The following PC variants were observed in gnomAD, a reference collection of about 807,000 sequenced individuals.
PC encodes pyruvate carboxylase, mitochondrial.
In PC, 46 loss-of-function variants were observed where a neutral mutation model predicts 107.8. That is an observed-to-expected ratio of 0.43 (90% confidence interval 0.34 to 0.55). PC has a LOEUF of 0.55. Among genes scored for constraint, PC ranks in the 20% least tolerant of loss-of-function variants. PC has a pLI of 0.04. For synonymous variants in PC, 662 were observed against 684.7 expected, an observed-to-expected ratio of 0.97 and a Z score of 0.52; for missense variants, 1,241 against 1,643.1, an observed-to-expected ratio of 0.76 and a Z score of 4.23.
At chr11:66,939,905 C>T (rs1804349807) in intron 3 of PC, among the ~76,000 whole-genome samples, 2 of 149,106 alleles carry the variant, frequency 1.3e-5, no homozygotes, top group Admixed American at 1.3e-4. Flanking sequence ...CCTTACCTGA[C>T]ACCATATCCA....
intron 3 of PC, among the ~76,000 whole-genome samples, chr11:66,898,540 C>T (rs1181400978): frequency 2.0e-5 from 3 of 152,064 alleles, no homozygotes; most frequent in Non-Finnish European, 4.4e-5. Flanking sequence ...ATTCGCTGGG[C>T]GTGGTGGCAG....
At chr11:66,926,356 T>C (rs184528172) in intron 3 of PC, among the ~76,000 whole-genome samples, 20 of 152,308 alleles carry the variant, frequency 1.3e-4, no homozygotes, top group African/African-American at 4.8e-4. Flanking sequence ...TCAATAAATA[T>C]TTATAGAGTA....
intron 19 of PC, 40 bp from the exon 20 acceptor site, chr11:66,850,156 CAAG>C (rs1276612567): frequency 2.5e-6 from 4 of 1,613,882 alleles, no homozygotes; most frequent in Non-Finnish European, 3.4e-6. Flanking sequence ...CCAGGCACCT[CAAG>C]GAGGCCAGTG....
In PC at chr11:66,863,831, G is replaced by C. The variant is rs766485640; in HGVS notation, c.1311C>G (p.Pro437=). ...VKVIAHGKDH[P]TAATKMSRAL... is the part of the protein sequence containing the mutation. Reference sequence around the variant, plus strand: ...CCCTGCTCATCTTGGTGGCGGCCGTGGGGTGGTCTTTGCCGTGGGCAATGA... The same window carrying C: ...CCCTGCTCATCTTGGTGGCGGCCGTCGGGTGGTCTTTGCCGTGGGCAATGA... Residue 437 remains proline, a synonymous_variant, in exon 12 of 23, where the codon CCC becomes CCG. Transcript: ENST00000393960. 29 of 1,613,738 alleles carry C rather than the reference G, an allele frequency of 1.8e-5. No individual in the cohort carries two copies. Among genetic ancestry groups the C allele is most frequent in the Non-Finnish European group, 2.5e-5 (29 of 1,180,014 alleles).
At chr11:66,882,690 G>C (rs1947225594) in intron 3 of PC, among the ~76,000 whole-genome samples, 1 of 152,248 alleles carries the variant, frequency 6.6e-6, no homozygotes, top group African/African-American at 2.4e-5. Context: ...AGTGAAAGCA[G>C]GTCAGAACCA....
Position 66,872,163 on chromosome 11 carries a change from G to T in PC, c.1-4C>A, listed in dbSNP as rs1313846853. The T allele has an allele frequency of 1.3e-5, 20 of 1,579,084 alleles. No homozygotes were observed. The highest frequency in any genetic ancestry group is 2.4e-5 in the East Asian group (1 of 42,484). On this transcript the variant is annotated splice_polypyrimidine_tract_variant and splice_region_variant and intron_variant, in intron 3 of 22. Transcript: ENST00000393960. ...GGACTGTTCGGAACTTCAGCATCTAGGGAGGGAAGTTAGAGCCCAGGTTAG... is the reference window on the plus strand; with the variant it reads ...GGACTGTTCGGAACTTCAGCATCTATGGAGGGAAGTTAGAGCCCAGGTTAG...
At position 66,907,285 on chromosome 11, in the gene PC, T is replaced by C. The variant is rs565843869; in HGVS notation, c.1-35126A>G. Among the ~76,000 whole-genome samples the C allele has an allele frequency of 5.3e-5, 8 of 152,304 alleles. No individual in the cohort carries two copies. In the East Asian group the frequency reaches 1.5e-3, roughly 29 times the overall value. On this transcript the variant is annotated intron_variant, in intron 3 of 22. Transcript: ENST00000393960. Reference sequence around the variant, plus strand: ...GTTCACGCCTGTAATCCCAGCACTTTGGGAGGCCGAGGCGGGCAGATCACC... The same window carrying C: ...GTTCACGCCTGTAATCCCAGCACTTCGGGAGGCCGAGGCGGGCAGATCACC...
chr11:66,884,869 C>T (rs76844511), intron 3 of PC, among the ~76,000 whole-genome samples: 5 of 152,180 alleles, frequency 3.3e-5, no homozygotes, highest in African/African-American at 7.2e-5. Flanking sequence ...CAATTCTAAA[C>T]AGAACTGGAC....
At position 66,858,629 on chromosome 11, in the gene PC, C is replaced by G. The variant is rs1196268880; in HGVS notation, c.1368+5145G>C. ...CGCAGCGCCTCTGGGTGCTGGAAGG[C>G]CAGCGGGCCACGCTGCGGTGCCGGG... On this transcript the variant is annotated intron_variant, in intron 12 of 22. Transcript: ENST00000393960. This position sits in a 1 kb window ranked among gnomAD's most constrained non-coding sequence, Gnocchi z 5.9. 3 of 1,537,270 alleles carry G rather than the reference C, an allele frequency of 2.0e-6. No individual in the cohort carries two copies. Among genetic ancestry groups the G allele is most frequent in the East Asian group, 2.4e-5 (1 of 40,864 alleles).
At chr11:66,901,531 G>A (rs769204061) in intron 3 of PC, among the ~76,000 whole-genome samples, 4 of 152,172 alleles carry the variant, frequency 2.6e-5, no homozygotes, top group Middle Eastern at 3.4e-3. Context: ...GTACAATGGC[G>A]CGATCTTGGC....
At chr11:66,940,720 A>T (rs749789884) in intron 3 of PC, among the ~76,000 whole-genome samples, 17 of 151,636 alleles carry the variant, frequency 1.1e-4, no homozygotes, top group South Asian at 6.3e-4. Flanking sequence ...ATAAAAATTT[A>T]AAAAGGCAAA....
At chr11:66,864,518 A>G (rs1221641803) in intron 11 of PC, among the ~76,000 whole-genome samples, 2 of 152,210 alleles carry the variant, frequency 1.3e-5, no homozygotes, top group Non-Finnish European at 2.9e-5. Flanking sequence ...AGGCCTCAAC[A>G]TCCACCCATG....
intron 3 of PC, among the ~76,000 whole-genome samples, chr11:66,893,734 G>C (rs1029910128): frequency 6.6e-6 from 1 of 151,956 alleles, no homozygotes; most frequent in Admixed American, 6.6e-5. Flanking sequence ...GTAAAATCAC[G>C]CTTTTTGGTG....
In PC at chr11:66,857,939, C is replaced by T. The variant is rs969678161; in HGVS notation, c.1369-4556G>A. 3.1e-6 allele frequency: 5 copies of T among 1,612,430 alleles called. No homozygotes were observed. In the African/African-American group the frequency reaches 6.7e-5, roughly 22 times the overall value. ...ACAACTTCATCCAGGCCCTGGGGCC[C>T]CCTGACTTCCGCAACATGACGGGAC... On this transcript the variant is annotated intron_variant, in intron 12 of 22. Coordinates refer to ENST00000393960, the MANE Select transcript of PC (RefSeq NM_001040716.2). The surrounding 1 kb of genome is among the most constrained non-coding windows in gnomAD (Gnocchi z 7.1).
intron 3 of PC, among the ~76,000 whole-genome samples, chr11:66,896,523 G>T (rs1325214743): frequency 6.6e-6 from 1 of 152,242 alleles, no homozygotes; most frequent in Admixed American, 6.5e-5. Context: ...GAGGAGCGGG[G>T]AACAAAGGAG....
chr11:66,864,574 G>C (rs1440525636), intron 11 of PC, among the ~76,000 whole-genome samples: 1 of 152,250 alleles, frequency 6.6e-6, no homozygotes, highest in East Asian at 1.9e-4. Context: ...AGGATGGGAG[G>C]GAGAGGAGGC....
At chr11:66,947,607 C>A (rs984592829) in intron 3 of PC, among the ~76,000 whole-genome samples, 3 of 147,612 alleles carry the variant, frequency 2.0e-5, no homozygotes, top group Non-Finnish European at 4.5e-5. Flanking sequence ...ATGCCTGTAA[C>A]CCCAGCACTT....
chr11:66,858,772 C>A lies in PC; in HGVS notation c.1368+5002G>T. 6.5e-7 allele frequency: 1 copy of A among 1,550,100 alleles called. No individual in the cohort carries two copies. Among genetic ancestry groups the A allele is most frequent in the Non-Finnish European group, 8.7e-7 (1 of 1,147,310 alleles). On this transcript the variant is annotated intron_variant, in intron 12 of 22. Coordinates refer to ENST00000393960, the MANE Select transcript of PC (RefSeq NM_001040716.2). This position sits in a 1 kb window ranked among gnomAD's most constrained non-coding sequence, Gnocchi z 5.9. ...ACCTTAGAGATTGGGGTGACCGGCG[C>A]TGGGGACGCTGGGGGCTACACCTGC...
chr11:66,958,163 C>G (rs1187034479), intron 1 of PC, among the ~76,000 whole-genome samples, 159 bp downstream of exon 1: 1 of 151,898 alleles, frequency 6.6e-6, no homozygotes, highest in African/African-American at 2.4e-5. Context: ...GCACCGCGCA[C>G]AGCCCGTCGC....
Sources: gnomAD v4.1 joint callset for allele counts (sites outside exome capture counted in the v4.1 genomes callset) on GRCh38, gnomAD v4.1.1 for gene constraint, Gnocchi (gnomAD v3.1) non-coding constraint, MANE v1.5 for transcripts, NCBI Gene and HGNC (gene_info 2026-07-23, HGNC 2026-07-21) for gene names.